The following CPEB2 variants were observed in gnomAD, a reference collection of about 807,000 sequenced individuals.
The protein encoded by CPEB2 is cytoplasmic polyadenylation element-binding protein 2.
Under a neutral mutation model 93.6 loss-of-function variants are expected in CPEB2, and 56 were observed. The ratio of observed to expected loss-of-function variants is 0.60; its 90% CI spans 0.48 to 0.75. The LOEUF (loss-of-function observed/expected upper bound fraction) is 0.75. CPEB2 is among the 30% of genes least tolerant of loss of function. The pLI, the probability that CPEB2 is intolerant of heterozygous loss-of-function variation, is 0.00. For synonymous variants in CPEB2, 764 were observed against 586.3 expected, an observed-to-expected ratio of 1.30 and a Z score of -4.38; for missense variants, 1,579 against 1,395.1, an observed-to-expected ratio of 1.13 and a Z score of -2.10.
In CPEB2 at chr4:15,068,608, A is replaced by G. The variant is rs1729874364; in HGVS notation, c.*2228A>G. ...TGCAATGTTAATTATTTAGATATTT[A>G]ATTTCGCAGATTTTTAAACTTTATT... On this transcript the variant is annotated 3_prime_UTR_variant, in exon 12 of 12. Transcript: ENST00000538197. 1 of 152,268 alleles carries G rather than the reference A, an allele frequency of 6.6e-6. No homozygotes were observed. Among genetic ancestry groups the G allele is most frequent in the African/African-American group, 2.4e-5 (1 of 41,406 alleles). The allele number at this position is 152,268 out of a possible 1,614,324, so 9.4% of individuals were successfully genotyped here. A position where few individuals can be genotyped will look rare whatever the true frequency, so the allele number is the denominator to read the frequency against.
rs1251933492 is a variant in CPEB2 at position 15,002,819 on chromosome 4, C to T, written c.146C>T (p.Ser49Leu). The T allele has an allele frequency of 1.3e-6, 2 of 1,535,226 alleles. No homozygotes were observed. Among genetic ancestry groups the T allele is most frequent in the African/African-American group, 1.4e-5 (1 of 72,904 alleles). ...LPSATPFGPLSPPPLPVTGFL... is the reference protein window; with the variant it reads ...LPSATPFGPLLPPPLPVTGFL... ...TCCGCCACGCCCTTCGGCCCACTGTCGCCACCACCGTTGCCTGTCACCGGC... is the reference window on the plus strand; with the variant it reads ...TCCGCCACGCCCTTCGGCCCACTGTTGCCACCACCGTTGCCTGTCACCGGC... Residue 49 changes from serine to leucine, a missense_variant, in exon 1 of 12, where the codon TCG (serine) becomes TTG (leucine). By Grantham distance (145) the Ser-to-Leu change is moderately radical. Around this residue, in one of 2 missense-constraint regions of CPEB2, gnomAD observed 1,411 missense variants for 1,056.0 expected, o/e 1.34. Coordinates refer to ENST00000538197, the MANE Select transcript of CPEB2 (RefSeq NM_001177382.2).
chr4:15,059,367 A>T, intron 10 of CPEB2, 66 bp downstream of exon 10: 1 of 1,060,220 alleles, frequency 9.4e-7, no homozygotes, highest in Non-Finnish European at 1.4e-6. Flanking sequence ...AATTTAATAA[A>T]CGTTTGGAAG....
intron 5 of CPEB2, among the ~76,000 whole-genome samples, chr4:15,035,036 A>G (rs1307548483): frequency 1.3e-5 from 2 of 152,208 alleles, no homozygotes; most frequent in African/African-American, 4.8e-5. Context: ...AAGAAATTGT[A>G]TCTCATAGTA....
intron 6 of CPEB2, among the ~76,000 whole-genome samples, chr4:15,047,647 G>A (rs139774121): frequency 3.4e-4 from 51 of 151,674 alleles, no homozygotes; most frequent in East Asian, 9.7e-4. Context: ...TGATTTCTTC[G>A]AATTTTACAT....
chr4:15,017,556 A>G (rs1272334969), intron 4 of CPEB2: 1 of 219,444 alleles, frequency 4.6e-6, no homozygotes, highest in Non-Finnish European at 8.9e-6. Context: ...AAAAGTATAC[A>G]CTAGTCACTT....
At chr4:15,022,494 T>G (rs188474216) in intron 4 of CPEB2, among the ~76,000 whole-genome samples, 7 of 152,174 alleles carry the variant, frequency 4.6e-5, no homozygotes, top group Admixed American at 6.6e-5. Flanking sequence ...TAGATACATA[T>G]CTATGTATCT....
chr4:15,054,485 AT>A (rs1250923634), intron 8 of CPEB2, among the ~76,000 whole-genome samples: 1 of 152,256 alleles, frequency 6.6e-6, no homozygotes, highest in Non-Finnish European at 1.5e-5. Context: ...ATATAAATTT[AT>A]GAACAGTTGA....
Position 15,007,276 on chromosome 4 carries a change from C to T in CPEB2, c.1663-29C>T, listed in dbSNP as rs142464469. The T allele has an allele frequency of 8.7e-4, 1,215 of 1,395,552 alleles. 10 individuals are homozygous for T. In the African/African-American group the frequency reaches 0.015, roughly 18 times the overall value. The allele number at this position is 1,395,552 out of a possible 1,614,324, so 86.4% of individuals were successfully genotyped here. ...TTTGAATTGTAAATTCTTTAAATGC[C>T]GCAATTTAAATAGCTATGTTTTCCC... On this transcript the variant is annotated intron_variant, in intron 1 of 11. Coordinates refer to ENST00000538197, the MANE Select transcript of CPEB2 (RefSeq NM_001177382.2).
chr4:15,067,946 A>G lies in CPEB2; in HGVS notation c.*1566A>G, dbSNP rs915694002. On this transcript the variant is annotated 3_prime_UTR_variant, in exon 12 of 12. Coordinates refer to ENST00000538197, the MANE Select transcript of CPEB2 (RefSeq NM_001177382.2). ...GTGGCATGGAAACATGCAGTAGTTAATGAGTTTCTCTTGGTACTGAACACT... is the reference window on the plus strand; with the variant it reads ...GTGGCATGGAAACATGCAGTAGTTAGTGAGTTTCTCTTGGTACTGAACACT... 1 of 152,358 alleles carries G rather than the reference A, an allele frequency of 6.6e-6. No individual in the cohort carries two copies. The highest frequency in any genetic ancestry group is 2.4e-5 in the African/African-American group (1 of 41,410). The allele number at this position is 152,358 out of a possible 1,614,324, so 9.4% of individuals were successfully genotyped here. A position where few individuals can be genotyped will look rare whatever the true frequency, so the allele number is the denominator to read the frequency against.
At chr4:15,027,970 G>A (rs1725661156) in intron 4 of CPEB2, among the ~76,000 whole-genome samples, 2 of 152,148 alleles carry the variant, frequency 1.3e-5, no homozygotes. Flanking sequence ...CTTTGAGTTT[G>A]TGCGTTTAAC....
At chr4:15,031,643 A>G (rs1181357143) in intron 4 of CPEB2, among the ~76,000 whole-genome samples, 1 of 152,212 alleles carries the variant, frequency 6.6e-6, no homozygotes, top group Non-Finnish European at 1.5e-5. Context: ...CCTTTTGATA[A>G]CACTTATTTT....
At chr4:15,062,866 A>C (rs567666671) in intron 11 of CPEB2, among the ~76,000 whole-genome samples, 114 of 152,004 alleles carry the variant, frequency 7.5e-4, no homozygotes, top group Non-Finnish European at 1.5e-3. Context: ...AACTTGTAAG[A>C]AGTACTAGGA....
chr4:15,031,067 T>C (rs1158976275), intron 4 of CPEB2, among the ~76,000 whole-genome samples: 2 of 152,088 alleles, frequency 1.3e-5, no homozygotes, highest in Non-Finnish European at 2.9e-5. Context: ...TCTGTTGTGT[T>C]TTTTTATATA....
At chr4:15,008,513 A>C (rs565976876) in intron 3 of CPEB2, 86 bp downstream of exon 3, 264 of 806,608 alleles carry the variant, frequency 3.3e-4, no homozygotes, top group Middle Eastern at 7.3e-4. Flanking sequence ...TTACTTTCTT[A>C]TTATACCTAT....
chr4:15,013,439 ATATT>A (rs1277536545), intron 3 of CPEB2, among the ~76,000 whole-genome samples: 1 of 152,004 alleles, frequency 6.6e-6, no homozygotes, highest in Non-Finnish European at 1.5e-5. Context: ...ATGATTTTCC[ATATT>A]TATTAATGAT....
chr4:15,007,933 C>T (rs1723038583), intron 2 of CPEB2, among the ~76,000 whole-genome samples: 1 of 152,066 alleles, frequency 6.6e-6, no homozygotes, highest in African/African-American at 2.4e-5. Context: ...TATAGCTAAG[C>T]TAATATGTTC....
chr4:15,004,812 G>C (rs1722565449), intron 1 of CPEB2: 1 of 152,882 alleles, frequency 6.5e-6, no homozygotes, highest in South Asian at 2.1e-4. Flanking sequence ...CGGGGGCCTC[G>C]GAAGAGCGGC....
At chr4:15,028,997 G>A (rs1474001582) in intron 4 of CPEB2, among the ~76,000 whole-genome samples, 2 of 151,988 alleles carry the variant, frequency 1.3e-5, no homozygotes, top group African/African-American at 4.8e-5. Context: ...GGTAACCACT[G>A]GGGCTAGTTC....
chr4:15,002,974 C>T lies in CPEB2; in HGVS notation c.301C>T (p.Leu101=), dbSNP rs1326717860. ...QTMQDELLLG[L]TQQPARPLSG... ...CATGCAGGATGAGCTGCTTCTGGGG[C>T]TGACACAGCAGCCGGCGCGGCCGCT... is the stretch of plus-strand genomic sequence containing the variant. The change falls in exon 1 of 12, where the codon CTG becomes TTG. Residue 101 remains leucine (L), a synonymous_variant. Coordinates refer to ENST00000538197, the MANE Select transcript of CPEB2 (RefSeq NM_001177382.2). 3 of 1,508,566 alleles carry T rather than the reference C, an allele frequency of 2.0e-6. No individual in the cohort carries two copies. The highest frequency in any genetic ancestry group is 2.8e-5 in the African/African-American group (2 of 70,584). The allele number at this position is 1,508,566 out of a possible 1,614,324, so 93.4% of individuals were successfully genotyped here. A position where few individuals can be genotyped will look rare whatever the true frequency, so the allele number is the denominator to read the frequency against.
Sources: gnomAD v4.1 joint callset for allele counts (sites outside exome capture counted in the v4.1 genomes callset) on GRCh38, gnomAD v4.1.1 for gene constraint, gnomAD v4.1.1 regional missense constraint, MANE v1.5 for transcripts, NCBI Gene and HGNC (gene_info 2026-07-23, HGNC 2026-07-21) for gene names.